Variants in VIPAS39 observed in about 807,000 individuals in gnomAD.
VIPAS39 encodes VPS33B interacting protein, apical-basolateral polarity regulator, spe-39 homolog.
In VIPAS39, 63 loss-of-function variants were observed where a neutral mutation model predicts 84.7. The observed-to-expected ratio is 0.74, with a 90% CI of 0.61 to 0.92. VIPAS39 has a LOEUF of 0.92. VIPAS39 is among the 40% of genes least tolerant of loss of function. The pLI, the probability that VIPAS39 is intolerant of heterozygous loss-of-function variation, is 0.00. For synonymous variants in VIPAS39, 192 were observed against 216.5 expected (o/e 0.89, Z 0.99); for missense variants, 499 against 604.5 (o/e 0.83, Z 1.83).
chr14:77,443,244 A>G, intron 8 of VIPAS39, 92 bp from the exon 9 acceptor site: 3 of 1,471,732 alleles, frequency 2.0e-6, no homozygotes, highest in African/African-American at 1.4e-5. Context: ...CTCATTAGCA[A>G]TCTCTGAAGG....
chr14:77,454,298 T>C (rs1594929912), intron 1 of VIPAS39, among the ~76,000 whole-genome samples, 196 bp from the exon 2 acceptor site: 1 of 152,172 alleles, frequency 6.6e-6, no homozygotes, highest in East Asian at 1.9e-4. Flanking sequence ...CTTCTAATCT[T>C]CTAATTACCC....
At position 77,437,925 on chromosome 14, in the gene VIPAS39, G is replaced by C. The variant is rs1276605181; in HGVS notation, c.763-44C>G. 1.3e-5 allele frequency: 20 copies of C among 1,571,618 alleles called. No individual in the cohort carries two copies. The Middle Eastern group carries it at 5.1e-4, about 40-fold the overall frequency. ...GGCTTTGAGGTATTTTGTCTCCTTA[G>C]ATGAGGGAGATAGCTGATTAACTGA... is the stretch of plus-strand genomic sequence containing the variant. On this transcript the variant is annotated intron_variant, in intron 11 of 19. Coordinates refer to ENST00000557658, the MANE Select transcript of VIPAS39 (RefSeq NM_001193315.2).
At chr14:77,447,693 T>TGGGGTTTCAC (rs1488213385) in intron 7 of VIPAS39, among the ~76,000 whole-genome samples, 1 of 152,200 alleles carries the variant, frequency 6.6e-6, no homozygotes, top group African/African-American at 2.4e-5. Context: ...GGAGTTTCAC[T>TGGGGTTTCAC]CTTGTTGCCC....
intron 7 of VIPAS39, among the ~76,000 whole-genome samples, chr14:77,446,858 C>G (rs1456656590): frequency 6.6e-6 from 1 of 151,998 alleles, no homozygotes; most frequent in Non-Finnish European, 1.5e-5. Context: ...GTTGCCTAAG[C>G]TGGAATGGAG....
At chr14:77,441,760 G>A (rs952578502) in intron 10 of VIPAS39, among the ~76,000 whole-genome samples, 1 of 152,172 alleles carries the variant, frequency 6.6e-6, no homozygotes, top group African/African-American at 2.4e-5. Flanking sequence ...TCATTGCTGT[G>A]CTGGAGTCAC....
chr14:77,428,979 G>A, intron 18 of VIPAS39, 27 bp downstream of exon 18: 1 of 1,600,150 alleles, frequency 6.2e-7, no homozygotes, highest in Non-Finnish European at 8.6e-7. Context: ...GGATCTAACG[G>A]AGGACTCCCA....
chr14:77,444,104 A>G (rs2078748168), intron 8 of VIPAS39, 145 bp downstream of exon 8: 1 of 826,006 alleles, frequency 1.2e-6, no homozygotes, highest in South Asian at 1.4e-5. Context: ...CCCTTAAAGC[A>G]CAGATTACTT....
Position 77,441,163 on chromosome 14 carries a change from G to A in VIPAS39, c.735-70C>T, listed in dbSNP as rs532187874. The A allele has an allele frequency of 3.3e-5, 51 of 1,563,874 alleles. No individual in the cohort carries two copies. The South Asian group carries it at 4.7e-4, about 14-fold the overall frequency. Reference sequence around the variant, plus strand: ...TGTGGCAGTATAACCTCACAAAATCGAGTGCCTCCTCTAGGAGAAACACAA... The same window carrying A: ...TGTGGCAGTATAACCTCACAAAATCAAGTGCCTCCTCTAGGAGAAACACAA... On this transcript the variant is annotated intron_variant, in intron 10 of 19. Coordinates refer to ENST00000557658, the MANE Select transcript of VIPAS39 (RefSeq NM_001193315.2).
chr14:77,448,659 G>C, intron 6 of VIPAS39, 109 bp from the exon 7 acceptor site: 1 of 1,197,462 alleles, frequency 8.4e-7, no homozygotes, highest in Admixed American at 1.9e-5. Flanking sequence ...GAAATAATTT[G>C]TGGGAGGGAA....
chr14:77,449,488 AT>A (rs2078848973), intron 5 of VIPAS39, 131 bp from the exon 6 acceptor site: 3 of 1,309,434 alleles, frequency 2.3e-6, no homozygotes, highest in Non-Finnish European at 3.3e-6. Flanking sequence ...CCAAAAGCAG[AT>A]CTCCGTTCTT....
chr14:77,445,420 G>T (rs553648600), intron 7 of VIPAS39, among the ~76,000 whole-genome samples: 2 of 151,944 alleles, frequency 1.3e-5, no homozygotes, highest in Non-Finnish European at 2.9e-5. Flanking sequence ...TAAGAGTTTT[G>T]TTGTTGTTGT....
intron 4 of VIPAS39, among the ~76,000 whole-genome samples, chr14:77,450,672 G>A (rs2078867748): frequency 6.6e-6 from 1 of 152,036 alleles, no homozygotes. Flanking sequence ...ACCATGCCCG[G>A]CTAATTTTTG....
intron 4 of VIPAS39, among the ~76,000 whole-genome samples, chr14:77,450,967 A>T (rs2078871827): frequency 6.6e-6 from 1 of 152,238 alleles, no homozygotes; most frequent in South Asian, 2.1e-4. Context: ...AGTACCAGTC[A>T]CAGGGTTAAT....
intron 1 of VIPAS39, among the ~76,000 whole-genome samples, chr14:77,454,309 A>G (rs537189306): frequency 1.1e-4 from 17 of 152,210 alleles, no homozygotes; most frequent in Non-Finnish European, 2.2e-4. Flanking sequence ...CTAATTACCC[A>G]TAAGTAGTCA....
rs756316088 is a variant in VIPAS39 at position 77,454,276 on chromosome 14, G to C, written c.1-174C>G. Among the ~76,000 whole-genome samples, 10 of 152,294 alleles carry C rather than the reference G, an allele frequency of 6.6e-5. No individual in the cohort carries two copies. The East Asian group carries it at 1.4e-3, about 21-fold the overall frequency. On this transcript the variant is annotated intron_variant, in intron 1 of 19. Transcript: ENST00000557658. ...AAACCAGATTCTTGGGTCTCCAACTGATCAAATCATACTTCTAATCTTCTA... is the reference window on the plus strand; with the variant it reads ...AAACCAGATTCTTGGGTCTCCAACTCATCAAATCATACTTCTAATCTTCTA...
chr14:77,432,420 T>C (rs925804862), intron 16 of VIPAS39, among the ~76,000 whole-genome samples: 3 of 152,162 alleles, frequency 2.0e-5, no homozygotes, highest in African/African-American at 7.2e-5. Flanking sequence ...CACTATTGCA[T>C]ATAAATCCAA....
At chr14:77,434,936 C>T (rs1462972002) in intron 14 of VIPAS39, among the ~76,000 whole-genome samples, 1 of 151,956 alleles carries the variant, frequency 6.6e-6, no homozygotes, top group Non-Finnish European at 1.5e-5. Flanking sequence ...AGCTACTTGC[C>T]ACCCTACTGC....
chr14:77,449,828 T>C lies in VIPAS39; in HGVS notation c.344-76A>G, dbSNP rs2078854061. ...CATCCAGGCTTGGTTAAAGACACAA[T>C]GTGTAACCAACTCAATAACGCAATA... is the stretch of plus-strand genomic sequence containing the variant. On this transcript the variant is annotated intron_variant, in intron 4 of 19. Coordinates refer to ENST00000557658, the MANE Select transcript of VIPAS39 (RefSeq NM_001193315.2). 8 of 1,520,970 alleles carry C rather than the reference T, an allele frequency of 5.3e-6. No homozygotes were observed. In the African/African-American group the frequency reaches 5.5e-5, roughly 10 times the overall value. 94.2% of individuals were successfully genotyped at this position (1,520,970 alleles called of 1,614,324 possible).
Position 77,453,333 on chromosome 14 carries a change from C to A in VIPAS39, c.162G>T (p.Leu54=). The change falls in exon 3 of 20, where the codon CTG becomes CTT. Residue 54 remains leucine (L), a synonymous_variant. Transcript: ENST00000557658. ...GTTCCCCACTCCAGCTGACTCGCTC[C>A]AGGTCATCATCGTCATCATCATCCA... ...DFVDDDDDDD[L]ERVSWSGEPV... 6.2e-7 allele frequency: 1 copy of A among 1,614,136 alleles called. No homozygotes were observed. Among genetic ancestry groups the A allele is most frequent in the Non-Finnish European group, 8.5e-7 (1 of 1,180,022 alleles).
Sources: gnomAD v4.1 joint callset for allele counts (sites outside exome capture counted in the v4.1 genomes callset) on GRCh38, gnomAD v4.1.1 for gene constraint, MANE v1.5 for transcripts, NCBI Gene and HGNC (gene_info 2026-07-23, HGNC 2026-07-21) for gene names.